The following CLDN11 variants were observed in gnomAD, a reference collection of about 807,000 sequenced individuals.
CLDN11 encodes the protein claudin 11.
In CLDN11, 1 loss-of-function variant was observed where a neutral mutation model predicts 18.0. The observed-to-expected ratio is 0.06, with a 90% CI of 0.02 to 0.26. CLDN11 has a LOEUF of 0.26. CLDN11 is among the 10% of genes least tolerant of loss of function. CLDN11 has a pLI of 1.00. For synonymous variants in CLDN11, 116 were observed against 121.5 expected, an observed-to-expected ratio of 0.96 and a Z score of 0.30; for missense variants, 172 against 276.6, an observed-to-expected ratio of 0.62 and a Z score of 2.68.
chr3:170,424,061 A>G (rs1315956186), intron 2 of CLDN11, among the ~76,000 whole-genome samples: 4 of 151,886 alleles, frequency 2.6e-5, no homozygotes, highest in Non-Finnish European at 5.9e-5. Flanking sequence ...GAAAAAAGAA[A>G]GAAAGAAAAA....
intron 2 of CLDN11, among the ~76,000 whole-genome samples, chr3:170,430,535 C>A (rs1738971989): frequency 1.5e-5 from 1 of 68,378 alleles, no homozygotes; most frequent in Admixed American, 1.8e-4. Flanking sequence ...TTAGCTTCTT[C>A]TTTTTCTCTT....
intron 2 of CLDN11, among the ~76,000 whole-genome samples, chr3:170,429,832 T>A (rs1277371773): frequency 6.6e-6 from 1 of 152,218 alleles, no homozygotes; most frequent in Non-Finnish European, 1.5e-5. Context: ...GGGGAATGCT[T>A]TCCTGCATGT....
rs1175016292 is a variant in CLDN11 at position 170,419,104 on chromosome 3, C to T, written c.38C>T (p.Thr13Met). Residue 13 changes from threonine to methionine, a missense_variant, in exon 1 of 3, where the codon ACG becomes ATG. Physicochemically the swap from Thr to Met is moderately conservative, Grantham distance 81 (BLOSUM62 -1). Coordinates refer to ENST00000064724, the MANE Select transcript of CLDN11 (RefSeq NM_005602.6). This position sits in a 1 kb window ranked among gnomAD's most constrained non-coding sequence, Gnocchi z 8.6. ...TGCCTGCAGGTGGTGGGCTTCGTCA[C>T]GAGCTTCGTGGGCTGGATCGGGGTC... ...ATCLQVVGFVTSFVGWIGVIV... is the reference protein window; with the variant it reads ...ATCLQVVGFVMSFVGWIGVIV... The T allele has an allele frequency of 6.4e-7, 1 of 1,551,394 alleles. No homozygotes were observed. Among genetic ancestry groups the T allele is most frequent in the Admixed American group, 2.0e-5 (1 of 51,038 alleles).
chr3:170,419,497 G>C lies in CLDN11; in HGVS notation c.226+205G>C, dbSNP rs1738668531. On this transcript the variant is annotated intron_variant, in intron 1 of 2. Coordinates refer to ENST00000064724, the MANE Select transcript of CLDN11 (RefSeq NM_005602.6). The surrounding 1 kb of genome is among the most constrained non-coding windows in gnomAD (Gnocchi z 8.6). ...CGCAGTATTCTTATCTGGAATTTGA[G>C]ATAATAGTGGCAATGTGGCCGGTGG... Among the ~76,000 whole-genome samples the C allele has an allele frequency of 6.6e-6, 1 of 152,222 alleles. No homozygotes were observed. Among genetic ancestry groups the C allele is most frequent in the African/African-American group, 2.4e-5 (1 of 41,466 alleles).
intron 2 of CLDN11, among the ~76,000 whole-genome samples, chr3:170,426,658 T>C (rs1045520891): frequency 2.6e-5 from 4 of 152,240 alleles, no homozygotes; most frequent in African/African-American, 4.8e-5. Context: ...TTATTTAGCA[T>C]AGGATCTGGC....
rs567017076 is a variant in CLDN11 at position 170,421,388 on chromosome 3, A to T, written c.227-1775A>T. 38 of 675,280 alleles carry T rather than the reference A, an allele frequency of 5.6e-5. No individual in the cohort carries two copies. The South Asian group carries it at 2.3e-3, about 40-fold the overall frequency. The allele number at this position is 675,280 out of a possible 1,614,324, so 41.8% of individuals were successfully genotyped here. Reference sequence around the variant, plus strand: ...CAGAGGCGGACGGCTGGGTCAGGGGATGGGCCTCAGACTTCCTGGAGCTCC... The same window carrying T: ...CAGAGGCGGACGGCTGGGTCAGGGGTTGGGCCTCAGACTTCCTGGAGCTCC... On this transcript the variant is annotated intron_variant, in intron 1 of 2. Transcript: ENST00000064724.
At chr3:170,425,368 C>T (rs1738828965) in intron 2 of CLDN11, among the ~76,000 whole-genome samples, 1 of 152,090 alleles carries the variant, frequency 6.6e-6, no homozygotes, top group Admixed American at 6.5e-5. Flanking sequence ...CAGGTATCCA[C>T]AAGTGAGAGA....
intron 1 of CLDN11, among the ~76,000 whole-genome samples, chr3:170,422,735 A>T (rs1738753769): frequency 6.6e-6 from 1 of 152,168 alleles, no homozygotes; most frequent in African/African-American, 2.4e-5. Context: ...TTGTTACTTT[A>T]TAGATGTGGA....
intron 2 of CLDN11, among the ~76,000 whole-genome samples, chr3:170,425,158 G>A (rs1410067797): frequency 1.3e-5 from 2 of 152,172 alleles, no homozygotes; most frequent in African/African-American, 4.8e-5. Context: ...CAACAGGAAA[G>A]TGAAAGCTCC....
intron 2 of CLDN11, among the ~76,000 whole-genome samples, chr3:170,428,087 C>T (rs1377713024): frequency 6.8e-6 from 1 of 146,812 alleles, no homozygotes; most frequent in African/African-American, 2.5e-5. Context: ...AATGAGTCTG[C>T]AGTGAGTCGA....
At position 170,432,937 on chromosome 3, in the gene CLDN11, C is replaced by A; in HGVS notation, c.*181C>A. On this transcript the variant is annotated 3_prime_UTR_variant, in exon 3 of 3. Coordinates refer to ENST00000064724, the MANE Select transcript of CLDN11 (RefSeq NM_005602.6). ...CCCCATTTCCCCCATCTTTTGGTTGCCTTAAAAGAAATCTCTAGCTCAGAT... is the reference window on the plus strand; with the variant it reads ...CCCCATTTCCCCCATCTTTTGGTTGACTTAAAAGAAATCTCTAGCTCAGAT... 1.6e-6 allele frequency: 1 copy of A among 615,802 alleles called. No individual in the cohort carries two copies. Among genetic ancestry groups the A allele is most frequent in the South Asian group, 2.0e-5 (1 of 49,950 alleles). The allele number at this position is 615,802 out of a possible 1,614,324, so 38.1% of individuals were successfully genotyped here.
chr3:170,434,254 A>G lies in CLDN11; in HGVS notation c.*1498A>G, dbSNP rs1242041003. ...ATAATTAAAAAGTTATATTTTATTC[A>G]CGGTATTGCAGTGGTAATTTGTGGT... On this transcript the variant is annotated 3_prime_UTR_variant, in exon 3 of 3. Coordinates refer to ENST00000064724, the MANE Select transcript of CLDN11 (RefSeq NM_005602.6). Among the ~76,000 whole-genome samples, 2 of 152,212 alleles carry G rather than the reference A, an allele frequency of 1.3e-5. No homozygotes were observed. The highest frequency in any genetic ancestry group is 2.4e-5 in the African/African-American group (1 of 41,454).
chr3:170,420,866 T>C (rs1560233143), intron 1 of CLDN11, among the ~76,000 whole-genome samples: 2 of 152,264 alleles, frequency 1.3e-5, no homozygotes, highest in East Asian at 3.9e-4. Flanking sequence ...TGAACCACGG[T>C]TGTCTTCTTT....
Position 170,423,288 on chromosome 3 carries a change from A to C in CLDN11, c.352A>C (p.Arg118=), listed in dbSNP as rs1738766132. The change falls in exon 2 of 3, where the codon AGG becomes CGG. Residue 118 remains arginine, a synonymous_variant. Coordinates refer to ENST00000064724, the MANE Select transcript of CLDN11 (RefSeq NM_005602.6). ...MGQEPGVAKY[R]RAQLAGVLLI... is the part of the protein sequence containing the mutation. Reference sequence around the variant, plus strand: ...CCAGGAGCCCGGTGTGGCTAAGTACAGGCGGGCCCAGCTGGCTGGTGTTTT... The same window carrying C: ...CCAGGAGCCCGGTGTGGCTAAGTACCGGCGGGCCCAGCTGGCTGGTGTTTT... The C allele has an allele frequency of 6.2e-7, 1 of 1,614,056 alleles. No individual in the cohort carries two copies. Among genetic ancestry groups the C allele is most frequent in the Non-Finnish European group, 8.5e-7 (1 of 1,180,024 alleles).
In CLDN11 at chr3:170,432,543, C is replaced by T; in HGVS notation, c.411C>T (p.Ala137=). ...CTCCAGCTCTCTGCGCCCTTGTTGC[C>T]ACCATCTGGTTCCCTGTGTGCGCCC... The part of the protein sequence containing the change: ...LILLALCALV[A]TIWFPVCAHR... Residue 137 remains alanine, a synonymous_variant, in exon 3 of 3, where the codon GCC becomes GCT. Coordinates refer to ENST00000064724, the MANE Select transcript of CLDN11 (RefSeq NM_005602.6). 1 of 1,613,368 alleles carries T rather than the reference C, an allele frequency of 6.2e-7. No individual in the cohort carries two copies. The highest frequency in any genetic ancestry group is 8.5e-7 in the Non-Finnish European group (1 of 1,180,042).
intron 1 of CLDN11, chr3:170,421,162 G>A (rs1322098386): frequency 6.2e-5 from 17 of 273,104 alleles, no homozygotes; most frequent in Non-Finnish European, 8.7e-5. Context: ...TGGGGGGGGG[G>A]TGGGGGGCGG....
chr3:170,423,745 G>A (rs1738775439), intron 2 of CLDN11: 3 of 179,108 alleles, frequency 1.7e-5, no homozygotes, highest in African/African-American at 7.0e-5. Flanking sequence ...TGATGCTTAT[G>A]TGCAGGCAAG....
chr3:170,432,067 C>G (rs114101279), intron 2 of CLDN11, among the ~76,000 whole-genome samples: 2,990 of 152,298 alleles, frequency 0.02, 77 homozygotes, highest in African/African-American at 0.066. Context: ...TGAGCACATA[C>G]TATTTGCCTT....
chr3:170,425,086 C>T (rs182431413), intron 2 of CLDN11, among the ~76,000 whole-genome samples: 2 of 152,326 alleles, frequency 1.3e-5, no homozygotes, highest in Non-Finnish European at 2.9e-5. Context: ...CTTTATCTGA[C>T]TCACAGGGGC....
Sources: allele counts gnomAD v4.1 joint callset (sites outside exome capture counted in the v4.1 genomes callset), GRCh38; gene constraint gnomAD v4.1.1; non-coding constraint Gnocchi (gnomAD v3.1); transcripts MANE v1.5; gene names NCBI Gene and HGNC (gene_info 2026-07-23, HGNC 2026-07-21).